The following BRINP3 variants were observed in gnomAD, a reference collection of about 807,000 sequenced individuals.
BRINP3 encodes the protein BMP/retinoic acid inducible neural specific 3.
A neutral mutation model predicts 71.0 loss-of-function variants in BRINP3; 19 were observed. The observed-to-expected ratio is 0.27, with a 90% CI of 0.19 to 0.39. The LOEUF is 0.39. Among genes scored for constraint, BRINP3 ranks in the 10% least tolerant of loss-of-function variants. The probability of loss-of-function intolerance (pLI) is 1.00; values close to 1 mark genes in which losing one functional copy is unlikely to be tolerated. For synonymous variants in BRINP3, 380 were observed against 337.7 expected (o/e 1.13, Z -1.37); for missense variants, 959 against 940.8 (o/e 1.02, Z -0.25).
intron 2 of BRINP3, among the ~76,000 whole-genome samples, chr1:190,421,741 T>A (rs911141042): frequency 1.1e-4 from 16 of 151,952 alleles, no homozygotes; most frequent in African/African-American, 3.9e-4. Flanking sequence ...ATTTTTTAAC[T>A]TCACGAGTTC....
At chr1:190,344,232 C>T (rs2103122372) in intron 2 of BRINP3, among the ~76,000 whole-genome samples, 1 of 151,778 alleles carries the variant, frequency 6.6e-6, no homozygotes, top group African/African-American at 2.4e-5. Flanking sequence ...AGGAACTGTG[C>T]CAATTGTTTA....
intron 1 of BRINP3, chr1:190,475,843 CTT>C (rs71561669): frequency 1.3e-5 from 2 of 149,170 alleles, no homozygotes; most frequent in East Asian, 2.0e-4. Flanking sequence ...TTTTCTTTTT[CTT>C]TTTTTTTTCC....
chr1:190,118,136 A>ACT (rs1653308000), intron 7 of BRINP3, among the ~76,000 whole-genome samples: 1 of 151,730 alleles, frequency 6.6e-6, no homozygotes, highest in African/African-American at 2.4e-5. Flanking sequence ...AATCATACAC[A>ACT]CACACACACA....
intron 7 of BRINP3, among the ~76,000 whole-genome samples, chr1:190,124,933 T>C (rs1653965675): frequency 6.6e-6 from 1 of 152,012 alleles, no homozygotes; most frequent in Non-Finnish European, 1.5e-5. Context: ...GTCATGAAGG[T>C]GACTAAGAAA....
chr1:190,266,624 C>T (rs956405237), intron 3 of BRINP3, among the ~76,000 whole-genome samples: 1 of 151,926 alleles, frequency 6.6e-6, no homozygotes, highest in African/African-American at 2.4e-5. Context: ...ACAAAAAATC[C>T]CCTACAATCA....
chr1:190,099,197 C>T lies in BRINP3; in HGVS notation c.1185-63G>A. The T allele has an allele frequency of 2.7e-6, 4 of 1,473,166 alleles. No individual in the cohort carries two copies. In the South Asian group the frequency reaches 4.0e-5, roughly 15 times the overall value. 91.3% of individuals were successfully genotyped at this position (1,473,166 alleles called of 1,614,324 possible). Reference sequence around the variant, plus strand: ...AAGATATTCTGTGTACTGCAGTAAACCGTAGCTCAGAAATCTTTGCTATCA... The same window carrying T: ...AAGATATTCTGTGTACTGCAGTAAATCGTAGCTCAGAAATCTTTGCTATCA... On this transcript the variant is annotated intron_variant, in intron 7 of 7. Transcript: ENST00000367462.
At chr1:190,431,206 A>G (rs192708745) in intron 2 of BRINP3, among the ~76,000 whole-genome samples, 3 of 152,266 alleles carry the variant, frequency 2.0e-5, no homozygotes, top group East Asian at 3.9e-4. Flanking sequence ...TACATTTAGT[A>G]TGGCTATTGC....
At chr1:190,149,435 G>C (rs1392836234) in intron 7 of BRINP3, among the ~76,000 whole-genome samples, 1 of 152,088 alleles carries the variant, frequency 6.6e-6, no homozygotes, top group Non-Finnish European at 1.5e-5. Context: ...AATAATTTCA[G>C]GTAGTGACAC....
intron 1 of BRINP3, among the ~76,000 whole-genome samples, chr1:190,464,603 G>T (rs1676616526): frequency 6.6e-6 from 1 of 151,860 alleles, no homozygotes; most frequent in Non-Finnish European, 1.5e-5. Flanking sequence ...ACTTTATAAA[G>T]AATAAATATT....
intron 2 of BRINP3, among the ~76,000 whole-genome samples, chr1:190,320,269 A>G (rs563279373): frequency 2.0e-5 from 3 of 152,102 alleles, no homozygotes; most frequent in Non-Finnish European, 4.4e-5. Context: ...AAGAAAGATT[A>G]ATAATAAATA....
chr1:190,435,060 C>T (rs1321239846), intron 2 of BRINP3, among the ~76,000 whole-genome samples: 1 of 152,076 alleles, frequency 6.6e-6, no homozygotes, highest in Non-Finnish European at 1.5e-5. Context: ...TGTTTAACTT[C>T]TTTTTGGAAT....
At chr1:190,158,877 G>A (rs1452927451) in intron 7 of BRINP3, among the ~76,000 whole-genome samples, 2 of 151,754 alleles carry the variant, frequency 1.3e-5, no homozygotes, top group African/African-American at 4.8e-5. Flanking sequence ...GGGAGAGAGA[G>A]AGAGAGAGAG....
intron 2 of BRINP3, among the ~76,000 whole-genome samples, chr1:190,390,705 CA>C (rs1671197147): frequency 6.6e-6 from 1 of 151,740 alleles, no homozygotes; most frequent in African/African-American, 2.4e-5. Context: ...AGAAAACAAT[CA>C]CAATGGTGAA....
rs577547837 is a variant in BRINP3 at position 190,248,485 on chromosome 1, A to G, written c.619-14008T>C. On this transcript the variant is annotated intron_variant, in intron 4 of 7. Transcript: ENST00000367462. ...TAAGATACTATCGTCTTAATTTTTC[A>G]TTCTTTCATTCTCCTATCTCTACTC... Among the ~76,000 whole-genome samples the G allele has an allele frequency of 4.7e-4, 71 of 151,724 alleles. 1 individual carries two copies. The highest frequency in any genetic ancestry group is 1.7e-3 in the African/African-American group (69 of 41,458).
chr1:190,306,973 TC>T (rs1390933143), intron 2 of BRINP3, among the ~76,000 whole-genome samples: 1 of 151,956 alleles, frequency 6.6e-6, no homozygotes, highest in African/African-American at 2.4e-5. Flanking sequence ...TACTAGTTTC[TC>T]CAAAAATAAA....
At chr1:190,101,575 T>C (rs1571697320) in intron 7 of BRINP3, among the ~76,000 whole-genome samples, 2 of 152,176 alleles carry the variant, frequency 1.3e-5, no homozygotes, top group Non-Finnish European at 1.5e-5. Context: ...TCCTTTTTCA[T>C]TGCTACCTTT....
chr1:190,302,271 T>C (rs1478760211), intron 2 of BRINP3, among the ~76,000 whole-genome samples: 9 of 147,220 alleles, frequency 6.1e-5, no homozygotes, highest in African/African-American at 2.2e-4. Flanking sequence ...TTTATATATA[T>C]ATAAATGTAT....
At chr1:190,192,551 T>C (rs1224896744) in intron 6 of BRINP3, among the ~76,000 whole-genome samples, 2 of 152,022 alleles carry the variant, frequency 1.3e-5, no homozygotes, top group Non-Finnish European at 2.9e-5. Flanking sequence ...GCCTGCTCTT[T>C]AGATTTGCAA....
At chr1:190,436,919 C>T (rs1674501462) in intron 2 of BRINP3, among the ~76,000 whole-genome samples, 1 of 151,794 alleles carries the variant, frequency 6.6e-6, no homozygotes, top group South Asian at 2.1e-4. Flanking sequence ...ACTATATTTA[C>T]TCTCAACAAA....
Sources: gnomAD v4.1 joint callset for allele counts (sites outside exome capture counted in the v4.1 genomes callset) on GRCh38, gnomAD v4.1.1 for gene constraint, MANE v1.5 for transcripts, NCBI Gene and HGNC (gene_info 2026-07-23, HGNC 2026-07-21) for gene names.